The following NBEA variants were observed in gnomAD, a reference collection of about 807,000 sequenced individuals.
NBEA encodes lysosomal-trafficking regulator 2.
NBEA carries 44 observed loss-of-function variants against 343.4 expected under a neutral mutation model. That is an observed-to-expected ratio of 0.13 (90% CI 0.10 to 0.16). The LOEUF (loss-of-function observed/expected upper bound fraction) is 0.16, where lower values mean the gene tolerates loss of function less well. NBEA is among the 10% of genes least tolerant of loss of function. The pLI, the probability that NBEA is intolerant of heterozygous loss-of-function variation, is 1.00. For synonymous variants in NBEA, 1,175 were observed against 1,238.7 expected (o/e 0.95, Z 1.08); for missense variants, 2,555 against 3,631.3 (o/e 0.70, Z 7.62).
intron 8 of NBEA, among the ~76,000 whole-genome samples, chr13:35,060,289 T>G (rs912629460): frequency 2.0e-5 from 3 of 151,902 alleles, no homozygotes; most frequent in African/African-American, 7.2e-5. Flanking sequence ...AAGGGCTGAA[T>G]ATAAGCAATT....
intron 45 of NBEA, among the ~76,000 whole-genome samples, chr13:35,577,299 C>T (rs1488072114): frequency 1.3e-5 from 2 of 152,140 alleles, no homozygotes; most frequent in Non-Finnish European, 2.9e-5. Context: ...GTAGCGAGGT[C>T]AGCTCACCTG....
intron 38 of NBEA, among the ~76,000 whole-genome samples, chr13:35,374,331 C>A (rs1020675033): frequency 6.6e-6 from 1 of 152,106 alleles, no homozygotes; most frequent in Non-Finnish European, 1.5e-5. Context: ...ATTCATGGCA[C>A]CCCAAAACAA....
At chr13:35,215,091 C>G (rs1021117750) in intron 33 of NBEA, among the ~76,000 whole-genome samples, 1 of 151,396 alleles carries the variant, frequency 6.6e-6, no homozygotes, top group Non-Finnish European at 1.5e-5. Context: ...AATGTAAGTC[C>G]TGTAACTATT....
At chr13:35,441,089 G>A (rs549670997) in intron 39 of NBEA, among the ~76,000 whole-genome samples, 2 of 152,122 alleles carry the variant, frequency 1.3e-5, no homozygotes, top group African/African-American at 2.4e-5. Flanking sequence ...AATAATTAAA[G>A]AGACTTTTAA....
chr13:35,145,483 G>C (rs914393485), intron 18 of NBEA, among the ~76,000 whole-genome samples: 2 of 152,032 alleles, frequency 1.3e-5, no homozygotes, highest in African/African-American at 4.8e-5. Context: ...CTCTTTAGTG[G>C]GTCTGCATAC....
intron 53 of NBEA, among the ~76,000 whole-genome samples, chr13:35,653,395 A>G (rs1412533773): frequency 6.8e-6 from 1 of 146,178 alleles, no homozygotes; most frequent in East Asian, 2.0e-4. Context: ...CAGTGATGCA[A>G]TCTCAGACCA....
chr13:35,627,903 A>G (rs1157321885), intron 48 of NBEA, among the ~76,000 whole-genome samples, 178 bp from the exon 49 acceptor site: 2 of 152,012 alleles, frequency 1.3e-5, no homozygotes, highest in Non-Finnish European at 2.9e-5. Context: ...GTAAAATACT[A>G]CTGAGGTAGT....
At chr13:35,005,942 A>G (rs749247620) in intron 1 of NBEA, among the ~76,000 whole-genome samples, 2 of 152,190 alleles carry the variant, frequency 1.3e-5, no homozygotes, top group Non-Finnish European at 2.9e-5. Flanking sequence ...CATAGCCTCC[A>G]TGGGTTACAT....
At chr13:35,083,957 G>C (rs190707351) in intron 10 of NBEA, among the ~76,000 whole-genome samples, 5 of 151,896 alleles carry the variant, frequency 3.3e-5, no homozygotes, top group Admixed American at 3.3e-4. Flanking sequence ...TTTAAACCAA[G>C]AAAGATCAAA....
At chr13:35,558,859 G>C (rs1169619639) in intron 44 of NBEA, among the ~76,000 whole-genome samples, 2 of 152,192 alleles carry the variant, frequency 1.3e-5, no homozygotes, top group Non-Finnish European at 2.9e-5. Flanking sequence ...TAAAAGTTTA[G>C]AGAAGTGAGA....
At chr13:35,007,406 T>G (rs1448942907) in intron 1 of NBEA, among the ~76,000 whole-genome samples, 2 of 152,220 alleles carry the variant, frequency 1.3e-5, no homozygotes, top group Non-Finnish European at 2.9e-5. Context: ...ACCATTGAAT[T>G]ATCAAATTCA....
intron 34 of NBEA, among the ~76,000 whole-genome samples, chr13:35,285,317 T>C (rs2035349551): frequency 6.6e-6 from 1 of 152,066 alleles, no homozygotes; most frequent in Non-Finnish European, 1.5e-5. Flanking sequence ...CAGAGCAAGA[T>C]TTTGCTTCCA....
intron 8 of NBEA, among the ~76,000 whole-genome samples, chr13:35,066,098 C>A (rs536377229): frequency 6.6e-6 from 1 of 152,168 alleles, no homozygotes; most frequent in South Asian, 2.1e-4. Context: ...GTAGCTGGGA[C>A]TATAGGCACA....
rs1473814972 is a variant in NBEA at position 34,942,340 on chromosome 13, A to C, written c.-481A>C. ...AGCGGCGGCGTCGGGGCTTCACAAC[A>C]ACAGTGGTGGCCGTAGCAGCGGCGG... On this transcript the variant is annotated 5_prime_UTR_variant, in exon 1 of 59. Transcript: ENST00000379939. The C allele has an allele frequency of 6.5e-6, 1 of 153,540 alleles. No homozygotes were observed. The highest frequency in any genetic ancestry group is 1.5e-5 in the Non-Finnish European group (1 of 68,848). The allele number at this position is 153,540 out of a possible 1,614,324, so 9.5% of individuals were successfully genotyped here.
Position 35,593,052 on chromosome 13 carries a change from A to G in NBEA, c.7177-276A>G, listed in dbSNP as rs184202692. 4 of 306,448 alleles carry G rather than the reference A, an allele frequency of 1.3e-5. No individual in the cohort carries two copies. In the Admixed American group the frequency reaches 1.9e-4, roughly 15 times the overall value. The allele number at this position is 306,448 out of a possible 1,614,324, so 19.0% of individuals were successfully genotyped here. A position where few individuals can be genotyped will look rare whatever the true frequency, so the allele number is the denominator to read the frequency against. ...TATGAATTGTCATTAATGCAAAATT[A>G]TTTATCAGAAAATCGTAGAGCACTG... is the stretch of plus-strand genomic sequence containing the variant. On this transcript the variant is annotated intron_variant, in intron 46 of 58. Coordinates refer to ENST00000379939, the MANE Select transcript of NBEA (RefSeq NM_001385012.1).
At chr13:35,082,378 A>G (rs992261807) in intron 10 of NBEA, among the ~76,000 whole-genome samples, 4 of 152,134 alleles carry the variant, frequency 2.6e-5, no homozygotes, top group Non-Finnish European at 5.9e-5. Flanking sequence ...CAATAAACAT[A>G]TGTGTGCATG....
intron 38 of NBEA, among the ~76,000 whole-genome samples, chr13:35,354,438 T>C (rs2040380216): frequency 6.6e-6 from 1 of 152,192 alleles, no homozygotes; most frequent in African/African-American, 2.4e-5. Flanking sequence ...TAAAGGACAG[T>C]GACCTCCATA....
intron 36 of NBEA, among the ~76,000 whole-genome samples, chr13:35,311,640 G>C (rs2037373332): frequency 6.6e-6 from 1 of 152,160 alleles, no homozygotes; most frequent in Non-Finnish European, 1.5e-5. Flanking sequence ...GATCACCTGA[G>C]GTCAGGAGTT....
intron 30 of NBEA, among the ~76,000 whole-genome samples, chr13:35,191,452 A>G (rs1308712305): frequency 6.6e-6 from 1 of 152,094 alleles, no homozygotes; most frequent in Admixed American, 6.6e-5. Context: ...CTGAAGTTGT[A>G]TTCTTTTCAT....
Sources: gnomAD v4.1 joint callset for allele counts (sites outside exome capture counted in the v4.1 genomes callset) on GRCh38, gnomAD v4.1.1 for gene constraint, MANE v1.5 for transcripts, NCBI Gene and HGNC (gene_info 2026-07-23, HGNC 2026-07-21) for gene names.